The following RNF130 variants were observed in gnomAD, a reference collection of about 807,000 sequenced individuals.
RNF130 encodes ring finger protein 130, also known as E3 ubiquitin-protein ligase RNF130.
Under a neutral mutation model 44.6 loss-of-function variants are expected in RNF130, and 21 were observed. The observed-to-expected ratio is 0.47, with a 90% CI of 0.33 to 0.68. The LOEUF is 0.68. RNF130 is among the 30% of genes least tolerant of loss of function. The pLI, the probability that RNF130 is intolerant of heterozygous loss-of-function variation, is 0.02. For synonymous variants in RNF130, 214 were observed against 210.4 expected (o/e 1.02, Z -0.15); for missense variants, 479 against 560.6 (o/e 0.85, Z 1.47).
chr5:179,941,555 T>TTC (rs1470898311), intron 7 of RNF130, among the ~76,000 whole-genome samples: 1 of 152,064 alleles, frequency 6.6e-6, no homozygotes. Context: ...TGAGCTCTCC[T>TTC]TCTCTCTCGG....
intron 5 of RNF130, among the ~76,000 whole-genome samples, chr5:179,970,764 CA>C (rs1762563166): frequency 6.6e-6 from 1 of 151,952 alleles, no homozygotes; most frequent in South Asian, 2.1e-4. Flanking sequence ...TACCAAATTC[CA>C]AAAAGGACTA....
At chr5:180,016,542 G>A (rs372059105) in intron 2 of RNF130, among the ~76,000 whole-genome samples, 5 of 152,306 alleles carry the variant, frequency 3.3e-5, no homozygotes, top group South Asian at 2.1e-4. Context: ...GCACTTCCAC[G>A]TCTGGCCGCC....
intron 5 of RNF130, among the ~76,000 whole-genome samples, chr5:179,975,053 G>C (rs1470435663): frequency 1.3e-5 from 2 of 152,274 alleles, no homozygotes; most frequent in Non-Finnish European, 2.9e-5. Flanking sequence ...GCGCCAGCCA[G>C]GCGGGGAGGC....
At chr5:180,038,020 T>C (rs1025591773) in intron 2 of RNF130, among the ~76,000 whole-genome samples, 1 of 152,190 alleles carries the variant, frequency 6.6e-6, no homozygotes, top group Non-Finnish European at 1.5e-5. Context: ...TGGGAAACAC[T>C]AGATTACTCA....
chr5:180,053,286 C>T (rs370276622), intron 1 of RNF130, among the ~76,000 whole-genome samples: 1 of 151,978 alleles, frequency 6.6e-6, no homozygotes, highest in African/African-American at 2.4e-5. Context: ...AGGCATATCC[C>T]GGTGAACAGC....
chr5:180,070,991 CA>C (rs1047866487), intron 1 of RNF130, among the ~76,000 whole-genome samples: 1 of 146,898 alleles, frequency 6.8e-6, no homozygotes, highest in Non-Finnish European at 1.5e-5. Context: ...ACCCCCCCCC[CA>C]ATTTACCACT....
chr5:179,930,259 C>G (rs917191725), intron 7 of RNF130, among the ~76,000 whole-genome samples: 1 of 151,938 alleles, frequency 6.6e-6, no homozygotes, highest in Non-Finnish European at 1.5e-5. Context: ...GGTTTCACCA[C>G]GTTGGTCAGG....
At chr5:179,950,301 G>C (rs982383138), downstream of RNF130, among the ~76,000 whole-genome samples, 6 of 152,034 alleles carry the variant, frequency 3.9e-5, no homozygotes, top group Admixed American at 3.3e-4. Context: ...ATTTTTAGTA[G>C]AGATGGGGTT....
At chr5:180,070,955 A>C (rs956096795) in intron 1 of RNF130, among the ~76,000 whole-genome samples, 2 of 149,846 alleles carry the variant, frequency 1.3e-5, no homozygotes, top group Non-Finnish European at 3.0e-5. Flanking sequence ...CAAAAGCAAC[A>C]GGGAAGATGT....
downstream of RNF130, among the ~76,000 whole-genome samples, chr5:179,952,855 A>G (rs464939): frequency 1.3e-5 from 2 of 152,174 alleles, no homozygotes; most frequent in Non-Finnish European, 2.9e-5. Flanking sequence ...TGATAAAGGT[A>G]TCTAGTCTAT....
chr5:180,011,838 G>T (rs1332141593), intron 3 of RNF130, among the ~76,000 whole-genome samples: 1 of 152,018 alleles, frequency 6.6e-6, no homozygotes, highest in Non-Finnish European at 1.5e-5. Context: ...AACATTAACA[G>T]CTGTAGCATC....
intron 3 of RNF130, among the ~76,000 whole-genome samples, chr5:180,009,734 A>C (rs6873781): frequency 0.87 from 132,963 of 152,252 alleles, 58,229 homozygotes; most frequent in African/African-American, 0.94. Context: ...ATTTACACTG[A>C]ACTCAGAAAT....
At chr5:180,055,281 CAA>C (rs869087305) in intron 1 of RNF130, among the ~76,000 whole-genome samples, 5 of 45,684 alleles carry the variant, frequency 1.1e-4, no homozygotes, top group East Asian at 6.1e-4. Context: ...AAAAAAAAAA[CAA>C]AAAAAAACAG....
At chr5:179,934,793 C>A (rs545801549) in intron 7 of RNF130, among the ~76,000 whole-genome samples, 10 of 152,240 alleles carry the variant, frequency 6.6e-5, no homozygotes, top group African/African-American at 2.4e-4. Flanking sequence ...TCCTCCATGC[C>A]TCAGCCTCCC....
intron 5 of RNF130, among the ~76,000 whole-genome samples, chr5:179,974,865 G>A (rs868412698): frequency 1.8e-4 from 27 of 152,362 alleles, no homozygotes; most frequent in Middle Eastern, 3.4e-3. Flanking sequence ...GGCATGGACC[G>A]CAGCAGACGG....
intron 7 of RNF130, among the ~76,000 whole-genome samples, chr5:179,925,268 G>C (rs1250184135): frequency 1.4e-5 from 2 of 138,992 alleles, no homozygotes; most frequent in Non-Finnish European, 3.1e-5. Flanking sequence ...TGAAAGTTAA[G>C]TTGATCGCCC....
rs1761612042 is a variant in RNF130 at position 179,920,409 on chromosome 5, G to A, written c.1168C>T (p.Arg390Ter). ...AGACTCCGAGGGGACAAGGAGTTTC[G>A]ATGAAAGAAGTGACCACCTGGAAAA... Residue 390 changes from arginine to a stop codon, truncating the protein, a stop_gained, in exon 8 of 8, where the codon CGA becomes TGA. Coordinates refer to the RNF130 transcript ENST00000522208. LOFTEE classifies it high-confidence loss of function. 1.4e-6 allele frequency: 1 copy of A among 702,260 alleles called. No homozygotes were observed. The highest frequency in any genetic ancestry group is 2.6e-6 in the Non-Finnish European group (1 of 384,884). 43.5% of individuals were successfully genotyped at this position (702,260 alleles called of 1,614,324 possible).
intron 2 of RNF130, among the ~76,000 whole-genome samples, chr5:180,026,346 AG>A (rs751424624): frequency 1.8e-4 from 27 of 152,260 alleles, no homozygotes; most frequent in Non-Finnish European, 2.8e-4. Flanking sequence ...ATAACAGTAA[AG>A]TCTATATAAA....
chr5:179,922,239 G>A (rs1049451928), intron 7 of RNF130, among the ~76,000 whole-genome samples: 2 of 151,976 alleles, frequency 1.3e-5, no homozygotes, highest in Non-Finnish European at 2.9e-5. Context: ...TTAGCCAACC[G>A]TGTATCTTCG....
Sources: allele counts gnomAD v4.1 joint callset (sites outside exome capture counted in the v4.1 genomes callset), GRCh38; gene constraint gnomAD v4.1.1; transcripts MANE v1.5; gene names NCBI Gene and HGNC (gene_info 2026-07-23, HGNC 2026-07-21).